Variants in PTPRC observed in about 807,000 individuals in gnomAD.
PTPRC encodes protein tyrosine phosphatase receptor type C.
A neutral mutation model predicts 155.9 loss-of-function variants in PTPRC; 44 were observed. The ratio of observed to expected loss-of-function variants is 0.28; its 90% CI spans 0.22 to 0.36. The LOEUF (loss-of-function observed/expected upper bound fraction) is 0.36. PTPRC is among the 10% of genes least tolerant of loss of function. The pLI is 1.00. For missense variants in PTPRC, 1,401 were observed against 1,564.6 expected, an observed-to-expected ratio of 0.90 and a Z score of 1.76; for synonymous variants, 525 against 533.1, an observed-to-expected ratio of 0.98 and a Z score of 0.21.
intron 2 of PTPRC, among the ~76,000 whole-genome samples, chr1:198,684,014 G>A (rs1665481563): frequency 6.6e-6 from 1 of 151,886 alleles, no homozygotes; most frequent in Non-Finnish European, 1.5e-5. Context: ...CATGTAGCAT[G>A]AATTACTTCT....
At chr1:198,742,494 G>GA (rs1437564916) in intron 25 of PTPRC, 127 bp downstream of exon 25, 1 of 1,213,898 alleles carries the variant, frequency 8.2e-7, no homozygotes, top group East Asian at 2.5e-5. Flanking sequence ...ATGATTTCCT[G>GA]AAAACTAAAA....
chr1:198,749,361 G>A (rs1250817047), intron 27 of PTPRC, 55 bp from the exon 28 acceptor site: 1 of 1,529,162 alleles, frequency 6.5e-7, no homozygotes, highest in African/African-American at 1.4e-5. Context: ...ACATGACAAT[G>A]AAGAAGAAAT....
chr1:198,660,262 T>A (rs1166259353), intron 2 of PTPRC, among the ~76,000 whole-genome samples: 2 of 151,954 alleles, frequency 1.3e-5, no homozygotes, highest in African/African-American at 4.8e-5. Flanking sequence ...AAAGTGTTAC[T>A]TTTATAAAAA....
chr1:198,659,534 A>AAT (rs1264704800), intron 2 of PTPRC, among the ~76,000 whole-genome samples: 4 of 151,650 alleles, frequency 2.6e-5, no homozygotes, highest in South Asian at 2.1e-4. Flanking sequence ...GGCTTTGAAG[A>AAT]ATACATATAT....
intron 3 of PTPRC, chr1:198,693,897 A>G: frequency 1.6e-6 from 2 of 1,223,766 alleles, no homozygotes; most frequent in South Asian, 4.1e-5. Context: ...ACTCATCAAA[A>G]TAGCGTGGTA....
At chr1:198,677,421 C>A (rs945638369) in intron 2 of PTPRC, among the ~76,000 whole-genome samples, 3 of 151,948 alleles carry the variant, frequency 2.0e-5, no homozygotes, top group African/African-American at 7.3e-5. Flanking sequence ...ACAACTTTTA[C>A]TTTCTGAAAT....
At position 198,639,249 on chromosome 1, in the gene PTPRC, G is replaced by T; in HGVS notation, c.-20G>T. The T allele has an allele frequency of 6.2e-7, 1 of 1,612,154 alleles. No homozygotes were observed. The highest frequency in any genetic ancestry group is 8.5e-7 in the Non-Finnish European group (1 of 1,178,410). On this transcript the variant is annotated 5_prime_UTR_variant, in exon 2 of 33. Coordinates refer to ENST00000442510, the MANE Select transcript of PTPRC (RefSeq NM_002838.5). ...AGAAGGACGCATGCTGTTTCTTAGGGACACGGCTGACTTCCAGATATGACC... is the reference window on the plus strand; with the variant it reads ...AGAAGGACGCATGCTGTTTCTTAGGTACACGGCTGACTTCCAGATATGACC...
intron 2 of PTPRC, among the ~76,000 whole-genome samples, chr1:198,679,396 A>ATTTTTTT (rs34684883): frequency 3.9e-4 from 43 of 109,834 alleles, no homozygotes; most frequent in East Asian, 8.0e-4. Flanking sequence ...ACGCCCAGCT[A>ATTTTTTT]TTTTTTTTTT....
chr1:198,658,474 T>C (rs1314653238), intron 2 of PTPRC, among the ~76,000 whole-genome samples: 4 of 152,204 alleles, frequency 2.6e-5, no homozygotes, highest in Non-Finnish European at 5.9e-5. Flanking sequence ...ACATACCTCC[T>C]TGAGACGGAA....
At chr1:198,725,674 TCTC>T (rs1163062406) in intron 15 of PTPRC, among the ~76,000 whole-genome samples, 1 of 152,198 alleles carries the variant, frequency 6.6e-6, no homozygotes, top group Non-Finnish European at 1.5e-5. Flanking sequence ...CCTTTTGTCT[TCTC>T]CTCCCTGGTA....
Position 198,699,661 on chromosome 1 carries a change from C to T in PTPRC, c.396C>T (p.Ala132=). 6.2e-7 allele frequency: 1 copy of T among 1,614,160 alleles called. No individual in the cohort carries two copies. Among genetic ancestry groups the T allele is most frequent in the South Asian group, 1.1e-5 (1 of 91,086 alleles). Reference sequence around the variant, plus strand: ...CGCAGACATTCAGCGGCTCCGCCGCCAATGCAAAACTCAACCCTACCCCAG... The same window carrying T: ...CGCAGACATTCAGCGGCTCCGCCGCTAATGCAAAACTCAACCCTACCCCAG... The part of the protein sequence containing the change: ...TDTQTFSGSA[A]NAKLNPTPGS... The change falls in exon 5 of 33, where the codon GCC becomes GCT. Residue 132 remains alanine (A), a synonymous_variant. Transcript: ENST00000442510.
chr1:198,659,571 A>G (rs1326276), intron 2 of PTPRC, among the ~76,000 whole-genome samples: 58,194 of 145,840 alleles, frequency 0.4, 11,854 homozygotes, highest in East Asian at 0.68. Flanking sequence ...TTTTTTTTTC[A>G]TTGCCCAGGC....
chr1:198,722,394 AT>A, intron 14 of PTPRC, 21 bp from the exon 15 acceptor site: 2 of 1,355,300 alleles, frequency 1.5e-6, no homozygotes, highest in Admixed American at 4.5e-5. Context: ...TAATTATTTT[AT>A]TTTTTGTTAC....
chr1:198,666,413 G>A (rs766826558), intron 2 of PTPRC, among the ~76,000 whole-genome samples: 15 of 152,018 alleles, frequency 9.9e-5, no homozygotes, highest in Middle Eastern at 6.3e-3. Flanking sequence ...TGATCATAGT[G>A]GCTCCAAAAC....
intron 24 of PTPRC, 95 bp from the exon 25 acceptor site, chr1:198,742,137 A>C: frequency 6.2e-7 from 1 of 1,603,592 alleles, no homozygotes; most frequent in Non-Finnish European, 8.5e-7. Context: ...ATTTTGGGAA[A>C]CAACCTATGG....
intron 3 of PTPRC, chr1:198,695,207 C>A (rs1277614045): frequency 2.3e-6 from 2 of 872,428 alleles, no homozygotes; most frequent in Non-Finnish European, 2.7e-6. Flanking sequence ...AGTAATATTG[C>A]AATTTTCATT....
At chr1:198,752,459 A>G in intron 30 of PTPRC, 88 bp downstream of exon 30, 1 of 1,547,404 alleles carries the variant, frequency 6.5e-7, no homozygotes, top group Non-Finnish European at 8.9e-7. Context: ...AGGCAAGGCC[A>G]TCATATAAAT....
At position 198,718,244 on chromosome 1, in the gene PTPRC, A is replaced by T; in HGVS notation, c.1601A>T (p.His534Leu). Residue 534 changes from histidine (H) to leucine (L), a missense_variant, in exon 14 of 33, where the codon CAT (histidine) becomes CTT (leucine). His to Leu is a moderately conservative substitution (Grantham distance 99). Coordinates refer to ENST00000442510, the MANE Select transcript of PTPRC (RefSeq NM_002838.5). Reference sequence around the variant, plus strand: ...AATACTCTGGTTAGAAATGAGTCGCATAAGAATTGCGATTTCCGTGTAAAA... The same window carrying T: ...AATACTCTGGTTAGAAATGAGTCGCTTAAGAATTGCGATTTCCGTGTAAAA... ...AGNTLVRNES[H>L]KNCDFRVKDL... 6.2e-7 allele frequency: 1 copy of T among 1,614,138 alleles called. No individual in the cohort carries two copies. Among genetic ancestry groups the T allele is most frequent in the Non-Finnish European group, 8.5e-7 (1 of 1,180,002 alleles).
chr1:198,667,682 C>T (rs1664399360), intron 2 of PTPRC, among the ~76,000 whole-genome samples: 1 of 152,198 alleles, frequency 6.6e-6, no homozygotes, highest in Admixed American at 6.5e-5. Flanking sequence ...CAGTCTCTGC[C>T]TTGAAAACAT....
Sources: allele counts gnomAD v4.1 joint callset (sites outside exome capture counted in the v4.1 genomes callset), GRCh38; gene constraint gnomAD v4.1.1; transcripts MANE v1.5; gene names NCBI Gene and HGNC (gene_info 2026-07-23, HGNC 2026-07-21).